SLC35F3: variants seen among roughly 807,000 people sequenced by gnomAD.
SLC35F3 encodes solute carrier family 35 member F3.
A neutral mutation model predicts 49.9 loss-of-function variants in SLC35F3; 25 were observed. The observed-to-expected ratio is 0.50, with a 90% CI of 0.37 to 0.70. The LOEUF (loss-of-function observed/expected upper bound fraction) is 0.70. Ranked by LOEUF, SLC35F3 falls within the 30% of genes least tolerant of loss-of-function variation. The pLI, the probability that SLC35F3 is intolerant of heterozygous loss-of-function variation, is 0.00. For synonymous variants in SLC35F3, 275 were observed against 265.4 expected (o/e 1.04, Z -0.35); for missense variants, 525 against 639.8 (o/e 0.82, Z 1.94).
In SLC35F3 at chr1:234,023,365, G is replaced by A. The variant is rs1195440811; in HGVS notation, c.283+117607G>A. ...AGCATTGATGAGGGTATGTCGTGGTGTACAGGAGCCAACTGAAAGGGCTCC... is the reference window on the plus strand; with the variant it reads ...AGCATTGATGAGGGTATGTCGTGGTATACAGGAGCCAACTGAAAGGGCTCC... On this transcript the variant is annotated intron_variant, in intron 2 of 7. Transcript: ENST00000366618. Among the ~76,000 whole-genome samples, 10 of 152,288 alleles carry A rather than the reference G, an allele frequency of 6.6e-5. No homozygotes were observed. In the South Asian group the frequency reaches 2.1e-3, roughly 32 times the overall value.
chr1:233,962,132 C>T (rs752569737), intron 2 of SLC35F3, among the ~76,000 whole-genome samples: 29 of 152,328 alleles, frequency 1.9e-4, no homozygotes, highest in Non-Finnish European at 3.5e-4. Context: ...ATTTCCACCA[C>T]ACCAAAAACT....
intron 2 of SLC35F3, among the ~76,000 whole-genome samples, chr1:234,085,228 T>C (rs1224294192): frequency 1.3e-5 from 2 of 152,136 alleles, no homozygotes; most frequent in African/African-American, 4.8e-5. Context: ...TCCAAGGTAA[T>C]TGTTAGCTTC....
At chr1:233,920,911 T>C (rs929772272) in intron 2 of SLC35F3, among the ~76,000 whole-genome samples, 3 of 152,204 alleles carry the variant, frequency 2.0e-5, no homozygotes, top group African/African-American at 7.2e-5. Context: ...AAAACAAATC[T>C]TTCCCTGATT....
chr1:234,184,759 A>T (rs1381168707), intron 2 of SLC35F3, among the ~76,000 whole-genome samples: 1 of 152,198 alleles, frequency 6.6e-6, no homozygotes, highest in East Asian at 1.9e-4. Context: ...GAAAGAGCCC[A>T]TGATGAATAA....
At position 234,227,392 on chromosome 1, in the gene SLC35F3, CTTTT is replaced by C. The variant is rs369277069; in HGVS notation, c.284-4004_284-4001del. 7.1e-3 allele frequency among the ~76,000 whole-genome samples: 772 copies of C among 108,396 alleles called. 6 individuals are homozygous for C. Among genetic ancestry groups the C allele is most frequent in the African/African-American group, 0.019 (716 of 37,910 alleles). 71.1% of individuals were successfully genotyped at this position (108,396 alleles called of 152,430 possible). A position where few individuals can be genotyped will look rare whatever the true frequency, so the allele number is the denominator to read the frequency against. ...TCCTTGAGGCACTGCCTCTTTCTTT[CTTTT>C]TTTTTTTTTTTTTTTTTTTTGAGAT... On this transcript the variant is annotated intron_variant, in intron 2 of 7. Coordinates refer to ENST00000366618, the MANE Select transcript of SLC35F3 (RefSeq NM_173508.4).
intron 2 of SLC35F3, among the ~76,000 whole-genome samples, chr1:234,023,299 C>G (rs1663926868): frequency 6.6e-6 from 1 of 152,156 alleles, no homozygotes; most frequent in Non-Finnish European, 1.5e-5. Flanking sequence ...CCTGGAGTAT[C>G]TTGCTGCACC....
intron 2 of SLC35F3, among the ~76,000 whole-genome samples, chr1:234,182,750 A>ATT (rs145829454): frequency 4.6e-5 from 7 of 152,060 alleles, no homozygotes; most frequent in African/African-American, 1.7e-4. Flanking sequence ...AAACTTTGGG[A>ATT]TTTTTTCCAA....
intron 2 of SLC35F3, among the ~76,000 whole-genome samples, chr1:233,984,915 C>A (rs1663242574): frequency 6.6e-6 from 1 of 152,162 alleles, no homozygotes; most frequent in Non-Finnish European, 1.5e-5. Context: ...CTATCATCTT[C>A]TTGTTCATCA....
intron 3 of SLC35F3, among the ~76,000 whole-genome samples, chr1:234,288,107 A>G (rs2102984335): frequency 6.6e-6 from 1 of 151,822 alleles, no homozygotes; most frequent in East Asian, 1.9e-4. Context: ...GCCTTGTCTT[A>G]AACTCCTGGC....
intron 2 of SLC35F3, among the ~76,000 whole-genome samples, chr1:234,224,725 C>T (rs1315799750): frequency 3.9e-5 from 6 of 152,168 alleles, no homozygotes; most frequent in South Asian, 2.1e-4. Context: ...GTGCCTTAGC[C>T]GCTCACTGAT....
chr1:233,963,898 A>T (rs1454652636), intron 2 of SLC35F3, among the ~76,000 whole-genome samples: 1 of 150,406 alleles, frequency 6.6e-6, no homozygotes, highest in Non-Finnish European at 1.5e-5. Flanking sequence ...TCTGGAGCCT[A>T]GTTTTTTTCT....
intron 3 of SLC35F3, chr1:234,285,334 TC>T: frequency 4.1e-6 from 2 of 483,950 alleles, no homozygotes; most frequent in South Asian, 3.0e-5. Flanking sequence ...GGAAAATACA[TC>T]CGCAGGGTTC....
In SLC35F3 at chr1:233,999,647, T is replaced by C. The variant is rs570030762; in HGVS notation, c.283+93889T>C. On this transcript the variant is annotated intron_variant, in intron 2 of 7. Coordinates refer to ENST00000366618, the MANE Select transcript of SLC35F3 (RefSeq NM_173508.4). ...CTTCCGGCCCTGCTCTCCTGCCTAC[T>C]GAGACTCTATCCCCCAGTGTCAGTC... is the stretch of plus-strand genomic sequence containing the variant. Among the ~76,000 whole-genome samples the C allele has an allele frequency of 1.5e-4, 23 of 152,242 alleles. 1 individual carries two copies. The South Asian group carries it at 4.8e-3, about 32-fold the overall frequency.
chr1:234,267,246 A>G lies in SLC35F3; in HGVS notation c.608+35505A>G, dbSNP rs549270481. On this transcript the variant is annotated intron_variant, in intron 3 of 7. Coordinates refer to ENST00000366618, the MANE Select transcript of SLC35F3 (RefSeq NM_173508.4). The stretch of plus-strand genomic sequence containing the variant: ...AAGGCAGAAGAATTTTTCTTAGTAC[A>G]GAACAAAATGAAAAGTCTCCCATGT... 2.6e-4 allele frequency among the ~76,000 whole-genome samples: 32 copies of G among 122,890 alleles called. No individual in the cohort carries two copies. The South Asian group carries it at 9.0e-3, about 35-fold the overall frequency. The allele number at this position is 122,890 out of a possible 152,430, so 80.6% of individuals were successfully genotyped here. A position where few individuals can be genotyped will look rare whatever the true frequency, so the allele number is the denominator to read the frequency against.
chr1:234,114,130 A>G (rs975221732), intron 2 of SLC35F3, among the ~76,000 whole-genome samples: 16 of 152,330 alleles, frequency 1.1e-4, no homozygotes, highest in African/African-American at 3.8e-4. Context: ...GATACACACG[A>G]TAGTCTTATG....
chr1:233,906,070 T>G (rs1661771729), intron 2 of SLC35F3, among the ~76,000 whole-genome samples: 1 of 152,178 alleles, frequency 6.6e-6, no homozygotes, highest in African/African-American at 2.4e-5. Context: ...GATCAGAAAC[T>G]CAAAGTATCC....
At chr1:234,186,856 C>A (rs1012606680) in intron 2 of SLC35F3, among the ~76,000 whole-genome samples, 4 of 152,156 alleles carry the variant, frequency 2.6e-5, no homozygotes, top group Non-Finnish European at 5.9e-5. Context: ...GAGCCTGAGA[C>A]TTCAGAAATG....
intron 2 of SLC35F3, among the ~76,000 whole-genome samples, chr1:234,114,010 G>C (rs969706299): frequency 2.0e-5 from 3 of 152,180 alleles, no homozygotes; most frequent in Admixed American, 1.3e-4. Context: ...GAGGAGACTG[G>C]GGCAAGAGGG....
intron 2 of SLC35F3, among the ~76,000 whole-genome samples, chr1:234,185,100 A>G (rs1273627280): frequency 6.6e-6 from 1 of 152,210 alleles, no homozygotes; most frequent in Non-Finnish European, 1.5e-5. Context: ...GAGGGAGAGT[A>G]AAAGACACAG....
Sources: gnomAD v4.1 joint callset for allele counts (sites outside exome capture counted in the v4.1 genomes callset) on GRCh38, gnomAD v4.1.1 for gene constraint, MANE v1.5 for transcripts, NCBI Gene and HGNC (gene_info 2026-07-23, HGNC 2026-07-21) for gene names.